The following PIWIL3 variants were observed in gnomAD, a reference collection of about 807,000 sequenced individuals.
The protein encoded by PIWIL3 is piwi like RNA-mediated gene silencing 3, also known as piwi-like protein 3.
PIWIL3 carries 101 observed loss-of-function variants against 109.7 expected under a neutral mutation model. That is an observed-to-expected ratio of 0.92 (90% CI 0.78 to 1.09). PIWIL3 has a LOEUF of 1.09. Ranked by LOEUF, PIWIL3 falls within the 50% of genes least tolerant of loss-of-function variation. PIWIL3 has a pLI of 0.00. For missense variants in PIWIL3, 1,031 were observed against 1,072.6 expected (o/e 0.96, Z 0.54); for synonymous variants, 373 against 376.4 (o/e 0.99, Z 0.10).
At chr22:24,738,019 G>A (rs892367687) in intron 12 of PIWIL3, among the ~76,000 whole-genome samples, 7 of 152,116 alleles carry the variant, frequency 4.6e-5, no homozygotes, top group African/African-American at 1.7e-4. Context: ...GGCTGTGGTG[G>A]TGGGCGCTGT....
At chr22:24,762,121 C>CT (rs1185158176) in intron 2 of PIWIL3, among the ~76,000 whole-genome samples, 1 of 152,202 alleles carries the variant, frequency 6.6e-6, no homozygotes, top group East Asian at 1.9e-4. Flanking sequence ...GAGTCATTGG[C>CT]TGAAGCCAAG....
At chr22:24,756,010 C>T (rs547812756) in intron 5 of PIWIL3, 105 bp from the exon 6 acceptor site, 23 of 1,196,502 alleles carry the variant, frequency 1.9e-5, no homozygotes, top group Middle Eastern at 2.4e-4. Context: ...AACACACCAT[C>T]GTGATGGAGC....
At chr22:24,755,489 T>A (rs1924966704) in intron 6 of PIWIL3, among the ~76,000 whole-genome samples, 1 of 152,206 alleles carries the variant, frequency 6.6e-6, no homozygotes, top group South Asian at 2.1e-4. Context: ...GAATAAAAAA[T>A]GCATTTGCTA....
rs762920464 is a variant in PIWIL3 at position 24,756,367 on chromosome 22, CAT to C, written c.570+122_570+123del. The stretch of plus-strand genomic sequence containing the variant: ...ATGGCACATAGGTTTCACAACAAGT[CAT>C]ATGGGCAAGAGAGCCTTGGGATGTC... On this transcript the variant is annotated intron_variant, in intron 5 of 20. Transcript: ENST00000616349. 1,455 of 887,112 alleles carry C rather than the reference CAT, an allele frequency of 1.6e-3. 3 individuals are homozygous for C. Among genetic ancestry groups the C allele is most frequent in the Non-Finnish European group, 2.2e-3 (1,283 of 586,518 alleles). The allele number at this position is 887,112 out of a possible 1,614,324, so 55.0% of individuals were successfully genotyped here. A position where few individuals can be genotyped will look rare whatever the true frequency, so the allele number is the denominator to read the frequency against.
Position 24,749,402 on chromosome 22 carries a change from A to G in PIWIL3, c.1334+2T>C, listed in dbSNP as rs780867589. 59 of 1,613,320 alleles carry G rather than the reference A, an allele frequency of 3.7e-5. No individual in the cohort carries two copies. The East Asian group carries it at 9.1e-4, about 25-fold the overall frequency. On this transcript the variant is annotated splice_donor_variant, in intron 11 of 20. Transcript: ENST00000616349. LOFTEE classifies it high-confidence loss of function. ...ACACTCAGCCAGAAAAGCAGCACTT[A>G]CTCTTGTAGAGTATTGATGAATTCT...
chr22:24,725,096 G>A (rs901798604), intron 17 of PIWIL3, 59 bp from the exon 18 acceptor site: 22 of 1,585,406 alleles, frequency 1.4e-5, no homozygotes, highest in Non-Finnish European at 1.9e-5. Flanking sequence ...AGCCTTTGCT[G>A]CTTTTGACAA....
In PIWIL3 at chr22:24,733,489, G is replaced by A. The variant is rs138784082; in HGVS notation, c.1707+595C>T. Among the ~76,000 whole-genome samples the A allele has an allele frequency of 1.9e-3, 290 of 152,154 alleles. 1 individual carries two copies. The highest frequency in any genetic ancestry group is 6.8e-3 in the African/African-American group (282 of 41,512). On this transcript the variant is annotated intron_variant, in intron 14 of 20. Coordinates refer to ENST00000616349, the MANE Select transcript of PIWIL3 (RefSeq NM_001255975.1). ...GCAGATCACTGGAGGTCAGGAGTTC[G>A]AGACCAGTCTGGCCAACCTCATCTC...
Position 24,758,027 on chromosome 22 carries a change from G to T in PIWIL3, c.236C>A (p.Pro79His), listed in dbSNP as rs1925198408. Reference sequence around the variant, plus strand: ...TGTATGCAACCCAGCCTCAGGTCCAGGTTCCTTCACCCCTGCATAAATGTA... The same window carrying T: ...TGTATGCAACCCAGCCTCAGGTCCATGTTCCTTCACCCCTGCATAAATGTA... ...GGAQSQGVKE[P>H]GPEAGLHTAP... The change falls in exon 4 of 21, where the codon CCT (proline) becomes CAT (histidine). Residue 79 changes from proline (P) to histidine (H), a missense_variant. Transcript: ENST00000616349. 2 of 1,611,444 alleles carry T rather than the reference G, an allele frequency of 1.2e-6. No homozygotes were observed. The highest frequency in any genetic ancestry group is 1.3e-5 in the African/African-American group (1 of 74,600).
At position 24,740,031 on chromosome 22, in the gene PIWIL3, G is replaced by A. The variant is rs1923895533; in HGVS notation, c.1450-4139C>T. Among the ~76,000 whole-genome samples, 8 of 122,118 alleles carry A rather than the reference G, an allele frequency of 6.6e-5. No individual in the cohort carries two copies. In the South Asian group the frequency reaches 1.9e-3, roughly 29 times the overall value. 80.1% of individuals were successfully genotyped at this position (122,118 alleles called of 152,430 possible). ...GTGCCCACTGCACCCCAGCCTGGGG[G>A]ACAAAGTGAGACTCGGTCTCAAAAA... On this transcript the variant is annotated intron_variant, in intron 12 of 20. Transcript: ENST00000616349.
At chr22:24,730,845 T>G (rs1923307866) in intron 14 of PIWIL3, among the ~76,000 whole-genome samples, 1 of 152,332 alleles carries the variant, frequency 6.6e-6, no homozygotes, top group Non-Finnish European at 1.5e-5. Context: ...GTTATTAATA[T>G]TAAATGCAAA....
At chr22:24,726,957 G>T (rs975558118) in intron 16 of PIWIL3, among the ~76,000 whole-genome samples, 1 of 152,174 alleles carries the variant, frequency 6.6e-6, no homozygotes, top group Non-Finnish European at 1.5e-5. Flanking sequence ...GTGCAGTGTG[G>T]TTTCTACTCT....
rs751684085 is a variant in PIWIL3 at position 24,724,975 on chromosome 22, C to T, written c.2143G>A (p.Asp715Asn). ...SMPHSVIVYR[D>N]GVGDGQLQAL... is the part of the protein sequence containing the mutation. The stretch of plus-strand genomic sequence containing the variant: ...TGAAGCTGACCATCTCCCACTCCAT[C>T]CCGATACACAATAACAGAATGTGGC... Residue 715 changes from aspartate (D) to asparagine (N), a missense_variant, in exon 18 of 21, where the codon GAT (aspartate) becomes AAT (asparagine). By Grantham distance (23) the Asp-to-Asn change is conservative. Coordinates refer to ENST00000616349, the MANE Select transcript of PIWIL3 (RefSeq NM_001255975.1). 2 of 1,614,176 alleles carry T rather than the reference C, an allele frequency of 1.2e-6. No individual in the cohort carries two copies. Among genetic ancestry groups the T allele is most frequent in the South Asian group, 2.2e-5 (2 of 91,086 alleles).
chr22:24,764,979 C>T (rs939628886), intron 1 of PIWIL3, among the ~76,000 whole-genome samples: 16 of 152,200 alleles, frequency 1.1e-4, no homozygotes, highest in African/African-American at 3.9e-4. Context: ...AACAAACCAA[C>T]ATCTTTGAGA....
At chr22:24,738,873 A>C (rs940952798) in intron 12 of PIWIL3, among the ~76,000 whole-genome samples, 1 of 152,116 alleles carries the variant, frequency 6.6e-6, no homozygotes, top group Non-Finnish European at 1.5e-5. Flanking sequence ...CAGAAAATGA[A>C]CCAAATAAGG....
At position 24,723,193 on chromosome 22, in the gene PIWIL3, C is replaced by T. The variant is rs139246673; in HGVS notation, c.2294G>A (p.Gly765Glu). ...RINTRFFLKH[G>E]SNFQNPPPGT... ...TGGAGGTGGATTTTGAAAATTGCTT[C>T]CATGTTTAAGAAAAAATCTAGTGTT... The change falls in exon 19 of 21, where the codon GGA becomes GAA. Residue 765 changes from glycine to glutamate, a missense_variant. Physicochemically the swap from Gly to Glu is moderately conservative, Grantham distance 98 (BLOSUM62 -2). Coordinates refer to ENST00000616349, the MANE Select transcript of PIWIL3 (RefSeq NM_001255975.1). 1.8e-4 allele frequency: 295 copies of T among 1,611,428 alleles called. 1 individual carries two copies. In the African/African-American group the frequency reaches 2.1e-3, roughly 11 times the overall value.
rs150798689 is a variant in PIWIL3, at chr22:24,758,010, A to G, written c.253T>C (p.Leu85=). 8.1e-6 allele frequency: 13 copies of G among 1,613,590 alleles called. No individual in the cohort carries two copies. The highest frequency in any genetic ancestry group is 2.7e-5 in the African/African-American group (2 of 74,878). ...CTCTCCTGCAAGGGCGCTGTATGCA[A>G]CCCAGCCTCAGGTCCAGGTTCCTTC... ...GVKEPGPEAG[L]HTAPLQERRI... The change falls in exon 4 of 21, where the codon TTG becomes CTG. Residue 85 remains leucine, a synonymous_variant. Coordinates refer to ENST00000616349, the MANE Select transcript of PIWIL3 (RefSeq NM_001255975.1).
At chr22:24,765,280 A>T (rs1210505048) in intron 1 of PIWIL3, among the ~76,000 whole-genome samples, 1 of 152,134 alleles carries the variant, frequency 6.6e-6, no homozygotes, top group Admixed American at 6.5e-5. Flanking sequence ...AATATAAATA[A>T]ATTCCTAAAC....
intron 14 of PIWIL3, 172 bp from the exon 15 acceptor site, chr22:24,728,546 A>G: frequency 3.6e-6 from 2 of 558,252 alleles, no homozygotes; most frequent in Non-Finnish European, 6.0e-6. Context: ...TATTAATTAT[A>G]ACATAATTAT....
In PIWIL3 at chr22:24,756,692, T is replaced by C; in HGVS notation, c.369A>G (p.Thr123=). The part of the protein sequence containing the change: ...VKDSKTGSEG[T]VVQLLANHFR... Reference sequence around the variant, plus strand: ...AGTGGTTGGCGAGTAGCTGTACCACTGTACCCTCTGAACCTGAAAAATGGA... The same window carrying C: ...AGTGGTTGGCGAGTAGCTGTACCACCGTACCCTCTGAACCTGAAAAATGGA... The change falls in exon 5 of 21, where the codon ACA becomes ACG. Residue 123 remains threonine (T), a synonymous_variant. Coordinates refer to ENST00000616349, the MANE Select transcript of PIWIL3 (RefSeq NM_001255975.1). The C allele has an allele frequency of 6.2e-7, 1 of 1,613,378 alleles. No individual in the cohort carries two copies. The highest frequency in any genetic ancestry group is 8.5e-7 in the Non-Finnish European group (1 of 1,179,580).
Sources: allele counts gnomAD v4.1 joint callset (sites outside exome capture counted in the v4.1 genomes callset), GRCh38; gene constraint gnomAD v4.1.1; transcripts MANE v1.5; gene names NCBI Gene and HGNC (gene_info 2026-07-23, HGNC 2026-07-21).